Variants in PDE3A observed in about 807,000 individuals in gnomAD.
PDE3A encodes the protein phosphodiesterase 3A.
In PDE3A, 43 loss-of-function variants were observed where a neutral mutation model predicts 98.3. That is an observed-to-expected ratio of 0.44 (90% CI 0.34 to 0.56). PDE3A has a LOEUF of 0.56. Ranked by LOEUF, PDE3A falls within the 20% of genes least tolerant of loss-of-function variation. The pLI, the probability that PDE3A is intolerant of heterozygous loss-of-function variation, is 0.01. For synonymous variants in PDE3A, 663 were observed against 567.9 expected, an observed-to-expected ratio of 1.17 and a Z score of -2.38; for missense variants, 1,427 against 1,440.7, an observed-to-expected ratio of 0.99 and a Z score of 0.15.
chr12:20,388,202 A>G (rs987166966), intron 1 of PDE3A, among the ~76,000 whole-genome samples: 43 of 152,118 alleles, frequency 2.8e-4, no homozygotes, highest in African/African-American at 9.9e-4. Context: ...ATTCAGTACT[A>G]TATAAAACAC....
At chr12:20,493,201 G>A (rs566391049) in intron 1 of PDE3A, among the ~76,000 whole-genome samples, 2 of 152,090 alleles carry the variant, frequency 1.3e-5, no homozygotes, top group African/African-American at 4.8e-5. Context: ...CCTTTTAGCT[G>A]TTTCTGATTT....
chr12:20,456,046 C>T (rs11045257), intron 1 of PDE3A, among the ~76,000 whole-genome samples: 47,637 of 151,982 alleles, frequency 0.31, 8,344 homozygotes, highest in Non-Finnish European at 0.39. Context: ...TATGAAATGA[C>T]TAAAAATGAA....
intron 2 of PDE3A, among the ~76,000 whole-genome samples, chr12:20,566,394 G>A (rs1402950487): frequency 6.6e-6 from 1 of 151,784 alleles, no homozygotes; most frequent in Non-Finnish European, 1.5e-5. Flanking sequence ...ATTTCCACTT[G>A]GATCTCTACA....
chr12:20,667,101 T>C (rs918035793), intron 15 of PDE3A, among the ~76,000 whole-genome samples: 1 of 152,206 alleles, frequency 6.6e-6, no homozygotes, highest in Non-Finnish European at 1.5e-5. Context: ...TTCATGTCCT[T>C]GCCCACTTTT....
chr12:20,419,555 T>G (rs988145818), intron 1 of PDE3A, among the ~76,000 whole-genome samples: 2 of 151,850 alleles, frequency 1.3e-5, no homozygotes, highest in Non-Finnish European at 2.9e-5. Flanking sequence ...AAATATCGAG[T>G]TTCACAAAAA....
intron 1 of PDE3A, among the ~76,000 whole-genome samples, chr12:20,493,117 C>A (rs930942068): frequency 6.6e-6 from 1 of 152,096 alleles, no homozygotes; most frequent in Non-Finnish European, 1.5e-5. Context: ...AATTAGTCAG[C>A]AAATATTGTT....
In PDE3A at chr12:20,652,422, C is replaced by T. The variant is rs376970550; in HGVS notation, c.2926-1525C>T. Among the ~76,000 whole-genome samples, 10 of 152,250 alleles carry T rather than the reference C, an allele frequency of 6.6e-5. No individual in the cohort carries two copies. In the East Asian group the frequency reaches 1.4e-3, roughly 21 times the overall value. On this transcript the variant is annotated intron_variant, in intron 14 of 15. Transcript: ENST00000359062. ...TGTTCCTATTTCTCCACATCCTCTC[C>T]AGCACCTGTTGTTTCCTGACTTTTT... is the stretch of plus-strand genomic sequence containing the variant.
chr12:20,581,552 C>T (rs771038960), intron 2 of PDE3A, among the ~76,000 whole-genome samples: 1 of 151,422 alleles, frequency 6.6e-6, no homozygotes, highest in East Asian at 1.9e-4. Context: ...ATAGACGTTA[C>T]GACTTTTTCT....
intron 1 of PDE3A, among the ~76,000 whole-genome samples, chr12:20,514,059 T>C (rs1341742448): frequency 1.3e-5 from 2 of 152,152 alleles, no homozygotes; most frequent in Non-Finnish European, 2.9e-5. Context: ...TAAAATAACA[T>C]GGGAATAGGT....
chr12:20,575,874 T>G (rs1016979502), intron 2 of PDE3A, among the ~76,000 whole-genome samples: 1 of 151,806 alleles, frequency 6.6e-6, no homozygotes, highest in Non-Finnish European at 1.5e-5. Context: ...AAGGGTCTTT[T>G]TTAAAAAAAT....
In PDE3A at chr12:20,508,437, C is replaced by T. The variant is rs537518098; in HGVS notation, c.961-48223C>T. Among the ~76,000 whole-genome samples, 16 of 150,066 alleles carry T rather than the reference C, an allele frequency of 1.1e-4. No homozygotes were observed. In the South Asian group the frequency reaches 3.1e-3, roughly 29 times the overall value. ...TTTGTTTTTTTTTTTTAGTTTTGTC[C>T]TCTGATATTTCCCAATCATCTAGAA... On this transcript the variant is annotated intron_variant, in intron 1 of 15. Coordinates refer to ENST00000359062, the MANE Select transcript of PDE3A (RefSeq NM_000921.5).
intron 1 of PDE3A, among the ~76,000 whole-genome samples, chr12:20,432,243 G>A (rs1197741183): frequency 6.6e-6 from 1 of 152,130 alleles, no homozygotes; most frequent in African/African-American, 2.4e-5. Flanking sequence ...TCTAGATATT[G>A]TTGAATTCTT....
At position 20,662,830 on chromosome 12, in the gene PDE3A, A is replaced by C. The variant is rs551435334; in HGVS notation, c.3184+8625A>C. 1.4e-4 allele frequency among the ~76,000 whole-genome samples: 21 copies of C among 152,366 alleles called. No homozygotes were observed. The East Asian group carries it at 3.9e-3, about 28-fold the overall frequency. On this transcript the variant is annotated intron_variant, in intron 15 of 15. Coordinates refer to ENST00000359062, the MANE Select transcript of PDE3A (RefSeq NM_000921.5). ...TTGAGGAGAAACTCAAGTGGGCTGC[A>C]GAAAATTTGCATAAGTAACAAGGAG...
At chr12:20,390,856 ATGT>A (rs1943899705) in intron 1 of PDE3A, among the ~76,000 whole-genome samples, 3 of 151,954 alleles carry the variant, frequency 2.0e-5, no homozygotes, top group Admixed American at 2.0e-4. Context: ...AAACACAGAA[ATGT>A]TGTAGGCTTT....
intron 1 of PDE3A, among the ~76,000 whole-genome samples, chr12:20,489,374 G>T (rs1368365193): frequency 2.0e-5 from 3 of 152,170 alleles, no homozygotes; most frequent in Non-Finnish European, 4.4e-5. Context: ...GCAGAAGCAA[G>T]TCTTGAGGTG....
At chr12:20,528,878 CTAGTT>C (rs1049349704) in intron 1 of PDE3A, among the ~76,000 whole-genome samples, 3 of 152,028 alleles carry the variant, frequency 2.0e-5, no homozygotes, top group Non-Finnish European at 2.9e-5. Flanking sequence ...AGAATAGACT[CTAGTT>C]TAGAGAAACT....
At chr12:20,470,586 G>A (rs1374776256) in intron 1 of PDE3A, among the ~76,000 whole-genome samples, 3 of 152,136 alleles carry the variant, frequency 2.0e-5, no homozygotes, top group South Asian at 4.1e-4. Context: ...TCCACTTGAA[G>A]TATTTTAGGC....
Position 20,613,667 on chromosome 12 carries a change from G to C in PDE3A, c.1236G>C (p.Glu412Asp), listed in dbSNP as rs752480712. ...ACTATACCTGTTCTGACTCTGAAGA[G>C]AGCTCTGAAAAAGACAAGCTTGCTA... ...SENYTCSDSE[E>D]SSEKDKLAIP... The change falls in exon 3 of 16, where the codon GAG (glutamate) becomes GAC (aspartate). Residue 412 changes from glutamate to aspartate, a missense_variant. Coordinates refer to ENST00000359062, the MANE Select transcript of PDE3A (RefSeq NM_000921.5). The C allele has an allele frequency of 1.7e-5, 27 of 1,613,852 alleles. No individual in the cohort carries two copies. In the South Asian group the frequency reaches 2.6e-4, roughly 16 times the overall value.
Position 20,636,236 on chromosome 12 carries a change from G to A in PDE3A, c.2002-864G>A, listed in dbSNP as rs563480605. Reference sequence around the variant, plus strand: ...TATTTAAAAAGATCCATTTAAGGAGGATGGAAGCATATATTTGAGTCAGCT... The same window carrying A: ...TATTTAAAAAGATCCATTTAAGGAGAATGGAAGCATATATTTGAGTCAGCT... On this transcript the variant is annotated intron_variant, in intron 8 of 15. Coordinates refer to ENST00000359062, the MANE Select transcript of PDE3A (RefSeq NM_000921.5). Among the ~76,000 whole-genome samples the A allele has an allele frequency of 5.3e-5, 8 of 152,284 alleles. No individual in the cohort carries two copies. In the East Asian group the frequency reaches 1.5e-3, roughly 29 times the overall value.
Sources: gnomAD v4.1 joint callset for allele counts (sites outside exome capture counted in the v4.1 genomes callset) on GRCh38, gnomAD v4.1.1 for gene constraint, MANE v1.5 for transcripts, NCBI Gene and HGNC (gene_info 2026-07-23, HGNC 2026-07-21) for gene names.